The following TLCD3B variants were observed in gnomAD, a reference collection of about 807,000 sequenced individuals.
TLCD3B encodes TLC domain containing 3B.
In TLCD3B, 9 loss-of-function variants were observed where a neutral mutation model predicts 23.0. The ratio of observed to expected loss-of-function variants is 0.39; its 90% confidence interval spans 0.24 to 0.68. TLCD3B has a LOEUF of 0.68. TLCD3B is among the 30% of genes least tolerant of loss of function. The pLI is 0.44. For missense variants in TLCD3B, 307 were observed against 371.8 expected, an observed-to-expected ratio of 0.83 and a Z score of 1.43; for synonymous variants, 161 against 161.0, an observed-to-expected ratio of 1.00 and a Z score of 0.00.
chr16:30,031,702 C>T (rs2071364869), upstream of TLCD3B, among the ~76,000 whole-genome samples: 3 of 152,218 alleles, frequency 2.0e-5, no homozygotes, highest in East Asian at 1.9e-4. Context: ...CACCCGATGG[C>T]GGGGAAGGAA....
At position 30,025,189 on chromosome 16, in the gene TLCD3B, C is replaced by T. The variant is rs1439200525; in HGVS notation, c.819G>A (p.Gln273=). The stretch of plus-strand genomic sequence containing the variant: ...AGGGTCCCGGCCCCCGGCCTCAGTC[C>T]TGGGCCTGGCAGGCCGGGGGCGGCC... The part of the protein sequence containing the change: ...RSRPPPACQA[Q]D The change falls in exon 5 of 5, where the codon CAG becomes CAA. Residue 273 remains glutamine, a synonymous_variant. Transcript: ENST00000380495. The surrounding 1 kb of genome is among the most constrained non-coding windows in gnomAD (Gnocchi z 4.1). 1.2e-5 allele frequency: 18 copies of T among 1,470,382 alleles called. No homozygotes were observed. The highest frequency in any genetic ancestry group is 1.6e-5 in the Non-Finnish European group (18 of 1,116,460). 91.1% of individuals were successfully genotyped at this position (1,470,382 alleles called of 1,614,324 possible).
chr16:30,030,705 G>C lies in TLCD3B; in HGVS notation c.-178C>G. Reference sequence around the variant, plus strand: ...TGGGGCCAGGGAGTCCGATGAAACTGGGGAGTCGGGAGGGGGCTGGCTGGG... The same window carrying C: ...TGGGGCCAGGGAGTCCGATGAAACTCGGGAGTCGGGAGGGGGCTGGCTGGG... On this transcript the variant is annotated 5_prime_UTR_variant, in exon 1 of 5. Transcript: ENST00000380495. The C allele has an allele frequency of 8.1e-7, 1 of 1,230,582 alleles. No homozygotes were observed. The highest frequency in any genetic ancestry group is 1.0e-6 in the Non-Finnish European group (1 of 981,934). 76.2% of individuals were successfully genotyped at this position (1,230,582 alleles called of 1,614,324 possible). A position where few individuals can be genotyped will look rare whatever the true frequency, so the allele number is the denominator to read the frequency against.
At chr16:30,038,759 A>G (rs1306809438) in intron 3 of TLCD3B, among the ~76,000 whole-genome samples, 1 of 150,604 alleles carries the variant, frequency 6.6e-6, no homozygotes, top group Non-Finnish European at 1.5e-5. Context: ...CTCTGTCTCA[A>G]AAAAAAAAAA....
rs1308249493 is a variant in TLCD3B at position 30,026,755 on chromosome 16, G to A, written c.298C>T (p.His100Tyr). 1 of 1,614,192 alleles carries A rather than the reference G, an allele frequency of 6.2e-7. No homozygotes were observed. The highest frequency in any genetic ancestry group is 8.5e-7 in the Non-Finnish European group (1 of 1,180,034). ...TCCCCTCCATGCCCTTTGACCTGGT[G>A]CTTGTGCCAGTGACAGAGGAACATG... ...YAMFLCHWHK[H>Y]QVKGHGGDDG... The change falls in exon 3 of 5, where the codon CAC (histidine) becomes TAC (tyrosine). Residue 100 changes from histidine (H) to tyrosine (Y), a missense_variant. Physicochemically the swap from His to Tyr is moderately conservative, Grantham distance 83. Transcript: ENST00000380495.
chr16:30,040,011 G>A (rs1471169374), intron 3 of TLCD3B, among the ~76,000 whole-genome samples: 4 of 151,404 alleles, frequency 2.6e-5, no homozygotes, highest in South Asian at 2.1e-4. Flanking sequence ...GTGCACATCC[G>A]TAATCTCAAT....
chr16:30,051,358 A>G (rs1017493978), intron 1 of TLCD3B, among the ~76,000 whole-genome samples: 2 of 151,708 alleles, frequency 1.3e-5, no homozygotes, highest in African/African-American at 4.8e-5. Flanking sequence ...ACATGGACAA[A>G]CCCCGTCTCT....
upstream of TLCD3B, chr16:30,035,248 C>G: frequency 8.2e-7 from 1 of 1,220,024 alleles, no homozygotes; most frequent in Non-Finnish European, 1.1e-6. Context: ...CAGCTCCACT[C>G]CACACTCTGC....
At chr16:30,041,544 C>T (rs867559337) in intron 2 of TLCD3B, among the ~76,000 whole-genome samples, 9 of 151,960 alleles carry the variant, frequency 5.9e-5, no homozygotes, top group South Asian at 4.1e-4. Flanking sequence ...GGATTACACA[C>T]GCCTGTAATT....
Position 30,044,839 on chromosome 16 carries a change from G to T in TLCD3B, c.-229+1484C>A, listed in dbSNP as rs183412698. ...CTCAAGCCTGTAATCCCAGCACTTT[G>T]GAGGCCGGCGGGCGGCGGGGGGGTG... On this transcript the variant is annotated intron_variant, in intron 2 of 6. Transcript: ENST00000561666. Among the ~76,000 whole-genome samples the T allele has an allele frequency of 2.1e-3, 327 of 152,160 alleles. 1 individual carries two copies. Among genetic ancestry groups the T allele is most frequent in the African/African-American group, 7.6e-3 (316 of 41,512 alleles).
rs1198367455 is a variant in TLCD3B, at chr16:30,025,477, C to T, written c.541-10G>A. 6.2e-7 allele frequency: 1 copy of T among 1,611,044 alleles called. No homozygotes were observed. The highest frequency in any genetic ancestry group is 8.5e-7 in the Non-Finnish European group (1 of 1,178,960). On this transcript the variant is annotated splice_polypyrimidine_tract_variant and intron_variant, in intron 4 of 4. Coordinates refer to ENST00000380495, the MANE Select transcript of TLCD3B (RefSeq NM_031478.6). This position sits in a 1 kb window ranked among gnomAD's most constrained non-coding sequence, Gnocchi z 4.1. ...TGTGCTGCTGCTTGTACTGAGGAGA[C>T]ACAGACACAGTGGCCACGGCAGCAG...
rs575162512 is a variant in TLCD3B at position 30,030,463 on chromosome 16, G to A, written c.65C>T (p.Thr22Met). Residue 22 changes from threonine to methionine, a missense_variant, in exon 1 of 5, where the codon ACG (threonine) becomes ATG (methionine). Thr to Met is a moderately conservative substitution (Grantham distance 81). Transcript: ENST00000380495. Reference protein sequence around the residue: ...FPGLFLLSKNTLQRLPQLRWE... With the variant: ...FPGLFLLSKNMLQRLPQLRWE... ...GCGTAGCTGGGGCAGCCGCTGGAGCGTGTTCTTGGAGAGGAGGAAGAGTCC... is the reference window on the plus strand; with the variant it reads ...GCGTAGCTGGGGCAGCCGCTGGAGCATGTTCTTGGAGAGGAGGAAGAGTCC... 32 of 1,607,532 alleles carry A rather than the reference G, an allele frequency of 2.0e-5. No homozygotes were observed. The highest frequency in any genetic ancestry group is 2.4e-5 in the Non-Finnish European group (28 of 1,177,674).
chr16:30,027,028 A>G, intron 2 of TLCD3B, 185 bp from the exon 3 acceptor site: 2 of 689,994 alleles, frequency 2.9e-6, no homozygotes, highest in Non-Finnish European at 2.6e-6. Context: ...CTAGTAAGAG[A>G]TGGTGCTGGG....
chr16:30,047,658 C>T (rs2071693286), intron 1 of TLCD3B, among the ~76,000 whole-genome samples: 1 of 151,924 alleles, frequency 6.6e-6, no homozygotes, highest in Non-Finnish European at 1.5e-5. Flanking sequence ...GGGTATTCAT[C>T]ATGTTGGCCA....
upstream of TLCD3B, among the ~76,000 whole-genome samples, chr16:30,032,006 T>A (rs527726758): frequency 8.5e-5 from 13 of 152,348 alleles, no homozygotes; most frequent in East Asian, 2.5e-3. Flanking sequence ...CAGCCCCTCC[T>A]GGCCTTCTCT....
rs140155911 is a variant in TLCD3B at position 30,026,721 on chromosome 16, G to T, written c.332C>A (p.Ala111Glu). 1.2e-6 allele frequency: 2 copies of T among 1,613,974 alleles called. No individual in the cohort carries two copies. The highest frequency in any genetic ancestry group is 2.2e-5 in the South Asian group (2 of 91,062). ...CCACGTGCTGCCCGGGGCTCTGGCC[G>T]CTCCGTCGTCCCCTCCATGCCCTTT... ...QVKGHGGDDG[A>E]ARAPGSTWAI... The change falls in exon 3 of 5, where the codon GCG becomes GAG. Residue 111 changes from alanine (A) to glutamate (E), a missense_variant. Transcript: ENST00000380495.
chr16:30,048,222 TC>T (rs2071702822), intron 1 of TLCD3B, among the ~76,000 whole-genome samples: 1 of 151,312 alleles, frequency 6.6e-6, no homozygotes. Flanking sequence ...CACCTCAGCT[TC>T]CCAAGTAGTT....
upstream of TLCD3B, chr16:30,033,310 A>G (rs1166520078): frequency 6.6e-6 from 1 of 152,286 alleles, no homozygotes; most frequent in Non-Finnish European, 1.5e-5. Flanking sequence ...TCATGAGCAA[A>G]ACTGCAAAAA....
chr16:30,025,616 G>A lies in TLCD3B; in HGVS notation c.540+110C>T. 6.8e-7 allele frequency: 1 copy of A among 1,464,620 alleles called. No homozygotes were observed. Among genetic ancestry groups the A allele is most frequent in the South Asian group, 1.1e-5 (1 of 88,194 alleles). 90.7% of individuals were successfully genotyped at this position (1,464,620 alleles called of 1,614,324 possible). A position where few individuals can be genotyped will look rare whatever the true frequency, so the allele number is the denominator to read the frequency against. ...AGCACCAGGTGCTCAAAATGCACGG[G>A]GTGAGGGGGGGATGACGAAGGGGCT... On this transcript the variant is annotated intron_variant, in intron 4 of 4. Transcript: ENST00000380495. This position sits in a 1 kb window ranked among gnomAD's most constrained non-coding sequence, Gnocchi z 4.1.
Position 30,026,860 on chromosome 16 carries a change from C to G in TLCD3B, c.210-17G>C. 2 of 1,609,082 alleles carry G rather than the reference C, an allele frequency of 1.2e-6. No individual in the cohort carries two copies. The highest frequency in any genetic ancestry group is 4.5e-5 in the East Asian group (2 of 44,820). ...AGCCAGTGTCTGTTGGGCAGAGAGA[C>G]GGGGTGGGGGAGCAAGGAGGAAAGG... On this transcript the variant is annotated splice_polypyrimidine_tract_variant and intron_variant, in intron 2 of 4. Coordinates refer to ENST00000380495, the MANE Select transcript of TLCD3B (RefSeq NM_031478.6).
Sources: allele counts gnomAD v4.1 joint callset (sites outside exome capture counted in the v4.1 genomes callset), GRCh38; gene constraint gnomAD v4.1.1; non-coding constraint Gnocchi (gnomAD v3.1); transcripts MANE v1.5; gene names NCBI Gene and HGNC (gene_info 2026-07-23, HGNC 2026-07-21).